Variants in HS6ST1 observed in about 807,000 individuals in gnomAD.
The protein encoded by HS6ST1 is heparan sulfate 6-O-sulfotransferase 1.
A neutral mutation model predicts 25.2 loss-of-function variants in HS6ST1; 3 were observed. The observed-to-expected ratio is 0.12, with a 90% confidence interval of 0.05 to 0.31. The LOEUF is 0.31. HS6ST1 is among the 10% of genes least tolerant of loss of function. HS6ST1 has a pLI of 1.00. For missense variants in HS6ST1, 310 were observed against 609.6 expected, an observed-to-expected ratio of 0.51 and a Z score of 5.18; for synonymous variants, 204 against 275.1, an observed-to-expected ratio of 0.74 and a Z score of 2.56.
At chr2:128,296,735 AATC>A (rs1372007620) in intron 1 of HS6ST1, among the ~76,000 whole-genome samples, 1 of 152,218 alleles carries the variant, frequency 6.6e-6, no homozygotes, top group Non-Finnish European at 1.5e-5. Flanking sequence ...GTAAATGGAA[AATC>A]ATCCCATGTC....
chr2:128,276,379 G>A (rs1693694323), intron 1 of HS6ST1, among the ~76,000 whole-genome samples: 1 of 152,146 alleles, frequency 6.6e-6, no homozygotes, highest in Non-Finnish European at 1.5e-5. Flanking sequence ...CAGGTGATTA[G>A]CCTGCCTCGG....
At chr2:128,299,364 A>G (rs1174690888) in intron 1 of HS6ST1, among the ~76,000 whole-genome samples, 1 of 152,242 alleles carries the variant, frequency 6.6e-6, no homozygotes, top group Non-Finnish European at 1.5e-5. Flanking sequence ...GCCCACTCTT[A>G]GCAAACTATA....
intron 1 of HS6ST1, among the ~76,000 whole-genome samples, chr2:128,293,004 G>T (rs1398306540): frequency 6.6e-6 from 1 of 152,144 alleles, no homozygotes; most frequent in Non-Finnish European, 1.5e-5. Flanking sequence ...TGGGTCTGGG[G>T]TCCTTGCCGT....
intron 1 of HS6ST1, among the ~76,000 whole-genome samples, chr2:128,271,954 TG>T (rs1693615309): frequency 6.6e-6 from 1 of 152,256 alleles, no homozygotes; most frequent in Admixed American, 6.5e-5. Context: ...GCCGGCACCT[TG>T]GGAAGGGCCA....
intron 1 of HS6ST1, among the ~76,000 whole-genome samples, chr2:128,287,922 C>T (rs1235811591): frequency 6.6e-6 from 1 of 152,274 alleles, no homozygotes; most frequent in Non-Finnish European, 1.5e-5. Context: ...ATTCATATTT[C>T]ACACCTGCCT....
intron 1 of HS6ST1, among the ~76,000 whole-genome samples, chr2:128,269,510 C>T (rs754332017): frequency 6.6e-6 from 1 of 152,248 alleles, no homozygotes; most frequent in African/African-American, 2.4e-5. Context: ...ACCTCCCACC[C>T]TCCCCTGCGC....
At chr2:128,285,873 C>T (rs1024835794) in intron 1 of HS6ST1, among the ~76,000 whole-genome samples, 10 of 152,196 alleles carry the variant, frequency 6.6e-5, no homozygotes, top group African/African-American at 2.4e-4. Context: ...TGCCGTCTGC[C>T]CCAAAATAGC....
intron 1 of HS6ST1, among the ~76,000 whole-genome samples, chr2:128,281,153 C>G (rs926740782): frequency 6.6e-5 from 10 of 152,252 alleles, no homozygotes; most frequent in Non-Finnish European, 1.5e-4. Context: ...TGCCCTGCCC[C>G]CTCTGGCAGA....
chr2:128,274,327 A>T (rs1573690510), intron 1 of HS6ST1, among the ~76,000 whole-genome samples: 1 of 152,184 alleles, frequency 6.6e-6, no homozygotes, highest in Non-Finnish European at 1.5e-5. Context: ...AAAACAATAC[A>T]TAAATGGCAT....
intron 1 of HS6ST1, among the ~76,000 whole-genome samples, chr2:128,295,737 G>A (rs757402893): frequency 5.3e-5 from 8 of 152,170 alleles, no homozygotes; most frequent in Non-Finnish European, 1.2e-4. Context: ...AATGTAGTAT[G>A]CCACATTAAC....
At chr2:128,283,219 T>A (rs1693812095) in intron 1 of HS6ST1, among the ~76,000 whole-genome samples, 2 of 152,106 alleles carry the variant, frequency 1.3e-5, no homozygotes, top group Admixed American at 1.3e-4. Flanking sequence ...GGTGACTGCT[T>A]AGGGGCTCTG....
At chr2:128,271,851 G>C (rs1208424601) in intron 1 of HS6ST1, among the ~76,000 whole-genome samples, 1 of 152,218 alleles carries the variant, frequency 6.6e-6, no homozygotes, top group South Asian at 2.1e-4. Context: ...TGACCACACC[G>C]TGGGTCTTGG....
intron 1 of HS6ST1, among the ~76,000 whole-genome samples, chr2:128,271,185 C>CGGGGACAGGCA (rs1693603815): frequency 6.6e-6 from 1 of 152,224 alleles, no homozygotes; most frequent in Non-Finnish European, 1.5e-5. Flanking sequence ...TGGTTAGCAG[C>CGGGGACAGGCA]GGGGACAGAT....
intron 1 of HS6ST1, among the ~76,000 whole-genome samples, chr2:128,294,247 C>T (rs1398454876): frequency 5.9e-5 from 9 of 152,214 alleles, no homozygotes. Flanking sequence ...CTCTGGATGG[C>T]CTGCACCAGG....
At chr2:128,285,278 G>A (rs1263243921) in intron 1 of HS6ST1, among the ~76,000 whole-genome samples, 2 of 152,206 alleles carry the variant, frequency 1.3e-5, no homozygotes. Context: ...GCCCTTGGAT[G>A]TGGTATGGAG....
At chr2:128,284,012 C>T (rs1282440271) in intron 1 of HS6ST1, among the ~76,000 whole-genome samples, 1 of 152,202 alleles carries the variant, frequency 6.6e-6, no homozygotes, top group Non-Finnish European at 1.5e-5. Context: ...GGACACAGGC[C>T]TGGACGGAGC....
At chr2:128,272,198 G>C (rs909220030) in intron 1 of HS6ST1, among the ~76,000 whole-genome samples, 2 of 152,218 alleles carry the variant, frequency 1.3e-5, no homozygotes, top group African/African-American at 4.8e-5. Context: ...CTGCCCTCCC[G>C]ATGTGGCCTG....
chr2:128,312,509 C>T (rs840877), intron 1 of HS6ST1, among the ~76,000 whole-genome samples: 2,993 of 152,302 alleles, frequency 0.02, 110 homozygotes, highest in African/African-American at 0.065. Context: ...AATTCAGTCC[C>T]GCAAAATGCC....
At chr2:128,277,000 G>T (rs1185761720) in intron 1 of HS6ST1, among the ~76,000 whole-genome samples, 1 of 152,158 alleles carries the variant, frequency 6.6e-6, no homozygotes, top group East Asian at 1.9e-4. Context: ...TTGCCCTGAG[G>T]TTTAGTAACT....
Sources: gnomAD v4.1 joint callset for allele counts (sites outside exome capture counted in the v4.1 genomes callset) on GRCh38, gnomAD v4.1.1 for gene constraint, MANE v1.5 for transcripts, NCBI Gene and HGNC (gene_info 2026-07-23, HGNC 2026-07-21) for gene names.